Variants in DARS2 observed in about 807,000 individuals in gnomAD.
The protein encoded by DARS2 is aspartyl-tRNA synthetase 2, mitochondrial, also known as aspartate--tRNA ligase, mitochondrial.
DARS2 carries 63 observed loss-of-function variants against 83.0 expected under a neutral mutation model. That is an observed-to-expected ratio of 0.76 (90% CI 0.62 to 0.94). DARS2 has a LOEUF of 0.94. DARS2 is among the 40% of genes least tolerant of loss of function. The probability of loss-of-function intolerance (pLI) is 0.00; values close to 1 mark genes in which losing one functional copy is unlikely to be tolerated. For synonymous variants in DARS2, 250 were observed against 269.3 expected (o/e 0.93, Z 0.70); for missense variants, 675 against 774.4 (o/e 0.87, Z 1.52).
In DARS2 at chr1:173,825,143, G is replaced by A. The variant is rs1652427986; in HGVS notation, c.-87G>A. ...AGAGTGGGAACTCCTGGAATTTTAAGGGATTTCTGTGTATTTCCAAAACTG... is the reference window on the plus strand; with the variant it reads ...AGAGTGGGAACTCCTGGAATTTTAAAGGATTTCTGTGTATTTCCAAAACTG... On this transcript the variant is annotated 5_prime_UTR_variant, in exon 1 of 17. Transcript: ENST00000649689. 4 of 1,575,430 alleles carry A rather than the reference G, an allele frequency of 2.5e-6. No homozygotes were observed. The East Asian group carries it at 9.3e-5, about 37-fold the overall frequency.
chr1:173,841,259 C>T (rs1212441987), intron 11 of DARS2, among the ~76,000 whole-genome samples: 2 of 151,934 alleles, frequency 1.3e-5, no homozygotes, highest in African/African-American at 4.8e-5. Flanking sequence ...TGCCTGTAAT[C>T]CCAACTACTT....
intron 3 of DARS2, among the ~76,000 whole-genome samples, chr1:173,829,388 G>T (rs904107122): frequency 6.6e-6 from 1 of 152,112 alleles, no homozygotes; most frequent in Non-Finnish European, 1.5e-5. Context: ...TTGAAGCCAT[G>T]TGACGGTATT....
intron 1 of DARS2, 82 bp downstream of exon 1, chr1:173,825,438 AT>A (rs558233437): frequency 5.3e-4 from 617 of 1,159,190 alleles, no homozygotes; most frequent in African/African-American, 1.5e-3. Context: ...TCCATTTTTC[AT>A]TTTTTCCCCC....
chr1:173,831,562 A>G lies in DARS2; in HGVS notation c.424A>G (p.Lys142Glu). 1 of 1,614,150 alleles carries G rather than the reference A, an allele frequency of 6.2e-7. No homozygotes were observed. The highest frequency in any genetic ancestry group is 1.7e-5 in the Admixed American group (1 of 60,030). Residue 142 changes from lysine (K) to glutamate (E), a missense_variant, in exon 5 of 17, where the codon AAA (lysine) becomes GAA (glutamate). Physicochemically the swap from Lys to Glu is moderately conservative, Grantham distance 56 (BLOSUM62 1). Transcript: ENST00000649689. ...AATGCCAACAGGTGAGATTGAAATC[A>G]AAGTTAAAACAGCTGAGCTTCTGAA... is the stretch of plus-strand genomic sequence containing the variant. The part of the protein sequence containing the change: ...PKMPTGEIEI[K>E]VKTAELLNAC...
intron 7 of DARS2, among the ~76,000 whole-genome samples, chr1:173,835,786 G>C (rs1652981290): frequency 6.6e-6 from 1 of 151,906 alleles, no homozygotes; most frequent in Non-Finnish European, 1.5e-5. Context: ...AGGCACGGTG[G>C]TTCACGCCTG....
At chr1:173,847,575 T>C (rs545915418) in intron 12 of DARS2, among the ~76,000 whole-genome samples, 7 of 152,302 alleles carry the variant, frequency 4.6e-5, no homozygotes, top group African/African-American at 1.2e-4. Flanking sequence ...GAAGATCTTA[T>C]GTGTTTTTAG....
At chr1:173,825,575 TCTC>T (rs1294889888) in intron 1 of DARS2, among the ~76,000 whole-genome samples, 3 of 151,682 alleles carry the variant, frequency 2.0e-5, no homozygotes, top group Admixed American at 2.0e-4. Flanking sequence ...TTCACGCCAT[TCTC>T]CTGCCTCAGC....
intron 13 of DARS2, among the ~76,000 whole-genome samples, chr1:173,851,223 T>C (rs1266873091): frequency 1.5e-5 from 2 of 136,696 alleles, no homozygotes; most frequent in Admixed American, 7.8e-5. Flanking sequence ...CACTCCAGCC[T>C]GGCTGACAGA....
rs113979710 is a variant in DARS2 at position 173,830,801 on chromosome 1, A to T, written c.396+40A>T. ...AGATATCTGTGTAATTTTTGCTTGT[A>T]TGCATTTGCACCATCTGTGTACACA... On this transcript the variant is annotated intron_variant, in intron 4 of 16. Transcript: ENST00000649689. 4.7e-4 allele frequency: 706 copies of T among 1,487,380 alleles called. 1 individual carries two copies. The African/African-American group carries it at 6.6e-3, about 14-fold the overall frequency. The allele number at this position is 1,487,380 out of a possible 1,614,324, so 92.1% of individuals were successfully genotyped here.
chr1:173,840,870 T>C lies in DARS2; in HGVS notation c.1025T>C (p.Ile342Thr). The change falls in exon 11 of 17, where the codon ATA (isoleucine) becomes ACA (threonine). Residue 342 changes from isoleucine (I) to threonine (T), a missense_variant. Ile to Thr is a moderately conservative substitution (Grantham distance 89). Transcript: ENST00000649689. Reference protein sequence around the residue: ...KPDTRFGMKIIDISDVFRNTE... With the variant: ...KPDTRFGMKITDISDVFRNTE... ...TTTTTGTTACCCATTTTCCAGATTA[T>C]AGATATCAGTGATGTGTTTAGAAAC... 6.3e-7 allele frequency: 1 copy of C among 1,577,738 alleles called. No individual in the cohort carries two copies. Among genetic ancestry groups the C allele is most frequent in the Non-Finnish European group, 8.7e-7 (1 of 1,146,954 alleles).
intron 11 of DARS2, 67 bp from the exon 12 acceptor site, chr1:173,845,162 T>A: frequency 2.1e-6 from 2 of 930,452 alleles, no homozygotes; most frequent in Non-Finnish European, 3.6e-6. Flanking sequence ...TGTCATTTGA[T>A]CGCATAACCA....
chr1:173,834,546 T>C (rs368424800), intron 7 of DARS2, 27 bp downstream of exon 7: 1 of 1,543,440 alleles, frequency 6.5e-7, no homozygotes, highest in Non-Finnish European at 9.0e-7. Flanking sequence ...AATCAGTCTA[T>C]TAATAATGTC....
intron 15 of DARS2, among the ~76,000 whole-genome samples, chr1:173,854,571 G>C (rs865838296): frequency 3.3e-5 from 5 of 152,168 alleles, no homozygotes; most frequent in Middle Eastern, 3.4e-3. Flanking sequence ...TACTTAACTT[G>C]CCAAAGTGAC....
At chr1:173,842,715 A>C (rs925375968) in intron 11 of DARS2, among the ~76,000 whole-genome samples, 17 of 151,288 alleles carry the variant, frequency 1.1e-4, no homozygotes, top group African/African-American at 3.4e-4. Context: ...AGGCGGGTGG[A>C]TTACTTGCGG....
chr1:173,828,234 A>T (rs1266648085), intron 2 of DARS2, 99 bp from the exon 3 acceptor site: 13 of 1,180,374 alleles, frequency 1.1e-5, no homozygotes, highest in Non-Finnish European at 1.6e-5. Context: ...AACATGAAAA[A>T]TTGCATGGAT....
At chr1:173,852,092 C>T (rs2102661076) in intron 13 of DARS2, 1 of 985,352 alleles carries the variant, frequency 1.0e-6, no homozygotes, top group African/African-American at 1.7e-5. Flanking sequence ...GAGCTAGAAA[C>T]CAGACTTTCG....
At chr1:173,826,109 C>T (rs1212197707) in intron 1 of DARS2, among the ~76,000 whole-genome samples, 2 of 151,522 alleles carry the variant, frequency 1.3e-5, no homozygotes, top group Non-Finnish European at 2.9e-5. Flanking sequence ...CTGTAGTCCC[C>T]GCTGCTGGGG....
chr1:173,824,897 T>C lies in DARS2; in HGVS notation c.-333T>C, dbSNP rs1182132713. ...TACCTTGTGACCGCCTCTGGTTGTCTTGGGCTCGCGCCTGGCGCCGCTACG... is the reference window on the plus strand; with the variant it reads ...TACCTTGTGACCGCCTCTGGTTGTCCTGGGCTCGCGCCTGGCGCCGCTACG... On this transcript the variant is annotated 5_prime_UTR_variant, in exon 1 of 17. Transcript: ENST00000649689. 2.0e-5 allele frequency: 7 copies of C among 354,888 alleles called. No individual in the cohort carries two copies. Among genetic ancestry groups the C allele is most frequent in the South Asian group, 1.3e-4 (6 of 45,118 alleles). The allele number at this position is 354,888 out of a possible 1,614,324, so 22.0% of individuals were successfully genotyped here.
At chr1:173,825,989 G>A (rs1350572072) in intron 1 of DARS2, among the ~76,000 whole-genome samples, 2 of 151,172 alleles carry the variant, frequency 1.3e-5, no homozygotes, top group East Asian at 2.0e-4. Context: ...TTGGGAGGTC[G>A]AGGAGGGCGG....
Sources: allele counts gnomAD v4.1 joint callset (sites outside exome capture counted in the v4.1 genomes callset), GRCh38; gene constraint gnomAD v4.1.1; transcripts MANE v1.5; gene names NCBI Gene and HGNC (gene_info 2026-07-23, HGNC 2026-07-21).